The following CEP290 variants were observed in gnomAD, a reference collection of about 807,000 sequenced individuals.
The protein encoded by CEP290 is centrosomal protein 290.
CEP290 carries 317 observed loss-of-function variants against 344.9 expected under a neutral mutation model. That is an observed-to-expected ratio of 0.92 (90% CI 0.84 to 1.01). CEP290 has a LOEUF of 1.01. Among genes scored for constraint, CEP290 ranks in the 50% least tolerant of loss-of-function variants. The probability of loss-of-function intolerance (pLI) is 0.00; values close to 1 mark genes in which losing one functional copy is unlikely to be tolerated. For synonymous variants in CEP290, 932 were observed against 895.8 expected, an observed-to-expected ratio of 1.04 and a Z score of -0.72; for missense variants, 2,754 against 2,761.4, an observed-to-expected ratio of 1.00 and a Z score of 0.06.
chr12:88,051,445 C>T (rs2033522457), intron 52 of CEP290, among the ~76,000 whole-genome samples: 1 of 152,088 alleles, frequency 6.6e-6, no homozygotes, highest in African/African-American at 2.4e-5. Flanking sequence ...GTGATCCACC[C>T]ACTTCAGCCT....
intron 29 of CEP290, among the ~76,000 whole-genome samples, chr12:88,091,729 GA>G (rs1207609448): frequency 1.3e-5 from 2 of 152,004 alleles, no homozygotes; most frequent in Non-Finnish European, 2.9e-5. Flanking sequence ...ATATTCCCAA[GA>G]GAACTATCAA....
chr12:88,130,902 A>G (rs936140735), intron 7 of CEP290, among the ~76,000 whole-genome samples: 7 of 152,134 alleles, frequency 4.6e-5, no homozygotes, highest in African/African-American at 1.7e-4. Context: ...CATCTATTCA[A>G]TTAGAAAACT....
Position 88,139,171 on chromosome 12 carries a change from C to G in CEP290, c.271G>C (p.Val91Leu). Residue 91 changes from valine (V) to leucine (L), a missense_variant, in exon 5 of 54, where the codon GTA becomes CTA. Physicochemically the swap from Val to Leu is conservative, Grantham distance 32. Coordinates refer to ENST00000552810, the MANE Select transcript of CEP290 (RefSeq NM_025114.4). ...TCCAGTTCATTTTCCAGTTTCATTACTTTAGTTTTTAATTGATTTTCTATT... is the reference window on the plus strand; with the variant it reads ...TCCAGTTCATTTTCCAGTTTCATTAGTTTAGTTTTTAATTGATTTTCTATT... ...AKFENQLKTKVMKLENELEMA... is the reference protein window; with the variant it reads ...AKFENQLKTKLMKLENELEMA... 8.4e-7 allele frequency: 1 copy of G among 1,190,978 alleles called. No homozygotes were observed. The highest frequency in any genetic ancestry group is 1.8e-5 in the South Asian group (1 of 56,100). The allele number at this position is 1,190,978 out of a possible 1,614,324, so 73.8% of individuals were successfully genotyped here. A position where few individuals can be genotyped will look rare whatever the true frequency, so the allele number is the denominator to read the frequency against.
Position 88,089,042 on chromosome 12 carries a change from C to T in CEP290, c.4019G>A (p.Gly1340Glu). 1 of 1,495,800 alleles carries T rather than the reference C, an allele frequency of 6.7e-7. No individual in the cohort carries two copies. The highest frequency in any genetic ancestry group is 8.9e-7 in the Non-Finnish European group (1 of 1,124,538). The allele number at this position is 1,495,800 out of a possible 1,614,324, so 92.7% of individuals were successfully genotyped here. The change falls in exon 31 of 54, where the codon GGA becomes GAA. Residue 1340 changes from glycine (G) to glutamate (E), a missense_variant. Transcript: ENST00000552810. ...AGTTTAAATGTTTACCTTTTGGGCT[C>T]CTTTGGTATCCTTTAAAGTGCTTAT... ...ELISTLKDTK[G>E]AQKVINWHMK...
chr12:88,086,587 C>G, intron 32 of CEP290, 89 bp from the exon 33 acceptor site: 1 of 816,560 alleles, frequency 1.2e-6, no homozygotes, highest in Non-Finnish European at 1.9e-6. Flanking sequence ...ATCTAATCCT[C>G]ACAACACATT....
chr12:88,100,696 G>T (rs1179771730), intron 26 of CEP290, among the ~76,000 whole-genome samples: 1 of 152,098 alleles, frequency 6.6e-6, no homozygotes, highest in African/African-American at 2.4e-5. Context: ...TATGTACTAT[G>T]TACAAAACCT....
Position 88,118,527 on chromosome 12 carries a change from A to ATT in CEP290, c.1665_1666dup (p.Ile556LysfsTer18). 1 of 1,505,720 alleles carries ATT rather than the reference A, an allele frequency of 6.6e-7. No individual in the cohort carries two copies. Among genetic ancestry groups the ATT allele is most frequent in the South Asian group, 1.2e-5 (1 of 82,790 alleles). 93.3% of individuals were successfully genotyped at this position (1,505,720 alleles called of 1,614,324 possible). On this transcript the variant is annotated frameshift_variant, in exon 17 of 54. Transcript: ENST00000552810. LOFTEE classifies it high-confidence loss of function. ...TCCTCTTTCTTGAGCCATTTGACGA[A>ATT]TTTTTTTTTTCAGATCAAGTCGTTC...
At chr12:88,091,145 T>C (rs1156252668) in intron 29 of CEP290, among the ~76,000 whole-genome samples, 1 of 152,178 alleles carries the variant, frequency 6.6e-6, no homozygotes, top group African/African-American at 2.4e-5. Flanking sequence ...TCATACTTAC[T>C]ATATAGTATT....
chr12:88,113,023 C>A (rs376300437), intron 20 of CEP290, among the ~76,000 whole-genome samples: 1 of 151,996 alleles, frequency 6.6e-6, no homozygotes, highest in Non-Finnish European at 1.5e-5. Context: ...TCTAAATTGT[C>A]ATGGATTCTG....
At chr12:88,098,331 C>T (rs543669856) in intron 26 of CEP290, among the ~76,000 whole-genome samples, 1 of 150,036 alleles carries the variant, frequency 6.7e-6, no homozygotes, top group South Asian at 2.1e-4. Flanking sequence ...CAGTATCGAC[C>T]AGGTGCAGTG....
At chr12:88,053,984 TAA>T (rs1421970854) in intron 51 of CEP290, among the ~76,000 whole-genome samples, 6 of 152,196 alleles carry the variant, frequency 3.9e-5, no homozygotes, top group African/African-American at 1.4e-4. Flanking sequence ...GGTTTCGTTA[TAA>T]GAGGAGCTTA....
intron 41 of CEP290, among the ~76,000 whole-genome samples, 178 bp from the exon 42 acceptor site, chr12:88,072,104 G>A (rs1020975350): frequency 1.3e-5 from 2 of 152,130 alleles, no homozygotes; most frequent in Non-Finnish European, 2.9e-5. Flanking sequence ...GGAACCAGCC[G>A]TGTTTTAGAA....
At chr12:88,107,926 G>A (rs1208015159) in intron 23 of CEP290, among the ~76,000 whole-genome samples, 6 of 150,998 alleles carry the variant, frequency 4.0e-5, no homozygotes, top group Non-Finnish European at 8.9e-5. Context: ...AAAAGTATGC[G>A]AGGTAATACA....
intron 6 of CEP290, 134 bp downstream of exon 6, chr12:88,136,509 A>C: frequency 1.2e-6 from 1 of 847,708 alleles, no homozygotes; most frequent in Non-Finnish European, 1.9e-6. Context: ...GAACAGTGAT[A>C]TAAAACCTTA....
Position 88,129,720 on chromosome 12 carries a change from T to G in CEP290, c.826A>C (p.Lys276Gln). The change falls in exon 10 of 54, where the codon AAA becomes CAA. Residue 276 changes from lysine (K) to glutamine (Q), a missense_variant. By Grantham distance (53) the Lys-to-Gln change is moderately conservative. Coordinates refer to ENST00000552810, the MANE Select transcript of CEP290 (RefSeq NM_025114.4). Reference sequence around the variant, plus strand: ...TGAAGTTGATAATGATCGTTTTCTTTTTTTAACTGATCTATTACATTATCT... The same window carrying G: ...TGAAGTTGATAATGATCGTTTTCTTGTTTTAACTGATCTATTACATTATCT... ...QTDNVIDQLKKENDHYQLQVQ... is the reference protein window; with the variant it reads ...QTDNVIDQLKQENDHYQLQVQ... 1.4e-6 allele frequency: 2 copies of G among 1,457,830 alleles called. No individual in the cohort carries two copies. Among genetic ancestry groups the G allele is most frequent in the Non-Finnish European group, 1.8e-6 (2 of 1,085,916 alleles). 90.3% of individuals were successfully genotyped at this position (1,457,830 alleles called of 1,614,324 possible).
intron 46 of CEP290, among the ~76,000 whole-genome samples, chr12:88,062,125 A>G (rs149230171): frequency 4.7e-4 from 72 of 152,248 alleles, no homozygotes; most frequent in African/African-American, 1.7e-3. Flanking sequence ...CACTGAATCC[A>G]TCATATATTT....
chr12:88,108,573 T>G (rs1397286197), intron 23 of CEP290, among the ~76,000 whole-genome samples: 1 of 152,184 alleles, frequency 6.6e-6, no homozygotes, highest in Non-Finnish European at 1.5e-5. Context: ...TTAGATGAGA[T>G]GACAGAAATA....
intron 47 of CEP290, among the ~76,000 whole-genome samples, chr12:88,060,564 G>GA (rs558251875): frequency 1.1e-4 from 16 of 143,516 alleles, no homozygotes; most frequent in African/African-American, 2.8e-4. Flanking sequence ...CATCTCAAAA[G>GA]AAAAAAAAAA....
At chr12:88,115,673 A>C (rs1387317358) in intron 18 of CEP290, 1 of 1,002,722 alleles carries the variant, frequency 1.0e-6, no homozygotes, top group East Asian at 6.7e-5. Flanking sequence ...GTTAAAGTGC[A>C]AACAAAAATA....
Sources: gnomAD v4.1 joint callset for allele counts (sites outside exome capture counted in the v4.1 genomes callset) on GRCh38, gnomAD v4.1.1 for gene constraint, MANE v1.5 for transcripts, NCBI Gene and HGNC (gene_info 2026-07-23, HGNC 2026-07-21) for gene names.